Variants in APP observed in about 807,000 individuals in gnomAD.
APP encodes amyloid-beta precursor protein.
Under a neutral mutation model 101.4 loss-of-function variants are expected in APP, and 31 were observed. The ratio of observed to expected loss-of-function variants is 0.31; its 90% CI spans 0.23 to 0.41. The LOEUF (loss-of-function observed/expected upper bound fraction) is 0.41, where lower values mean the gene tolerates loss of function less well. Ranked by LOEUF, APP falls within the 10% of genes least tolerant of loss-of-function variation. The pLI is 1.00. For missense variants in APP, 839 were observed against 1,003.7 expected (o/e 0.84, Z 2.22); for synonymous variants, 366 against 364.4 (o/e 1.00, Z -0.05).
chr21:26,114,211 G>A (rs1222302002), intron 1 of APP, among the ~76,000 whole-genome samples: 4 of 152,236 alleles, frequency 2.6e-5, no homozygotes, highest in East Asian at 1.9e-4. Flanking sequence ...TAAGGAAAGC[G>A]TTCTACCTTC....
At chr21:26,004,463 T>TCA (rs1256049795) in intron 6 of APP, among the ~76,000 whole-genome samples, 13 of 150,064 alleles carry the variant, frequency 8.7e-5, no homozygotes, top group South Asian at 4.3e-4. Context: ...GCTAATTTTT[T>TCA]TCGATTTTTT....
intron 17 of APP, among the ~76,000 whole-genome samples, chr21:25,889,214 C>A (rs1446033003): frequency 6.6e-6 from 1 of 152,176 alleles, no homozygotes; most frequent in East Asian, 1.9e-4. Context: ...TAAACAAGGT[C>A]ATCAGGGTTG....
chr21:25,985,511 T>A (rs2042604634), intron 8 of APP, among the ~76,000 whole-genome samples: 1 of 152,306 alleles, frequency 6.6e-6, no homozygotes, highest in South Asian at 2.1e-4. Flanking sequence ...CTCTTCTCCC[T>A]GGACTGAAAT....
chr21:25,918,853 G>T (rs1437678544), intron 13 of APP, among the ~76,000 whole-genome samples: 22 of 149,358 alleles, frequency 1.5e-4, no homozygotes, highest in African/African-American at 4.4e-4. Context: ...AAGCAGCCGG[G>T]AAGCTCGAAC....
chr21:26,055,261 C>T (rs2145972766), intron 3 of APP, among the ~76,000 whole-genome samples: 1 of 152,260 alleles, frequency 6.6e-6, no homozygotes, highest in Non-Finnish European at 1.5e-5. Flanking sequence ...CCTCACTTCC[C>T]AGGGGAGGAA....
At chr21:25,908,369 T>C (rs528066671) in intron 14 of APP, among the ~76,000 whole-genome samples, 1 of 152,344 alleles carries the variant, frequency 6.6e-6, no homozygotes, top group African/African-American at 2.4e-5. Context: ...TGATTGTTCT[T>C]AAGAAAAACA....
At chr21:26,129,687 A>C (rs1277429666) in intron 1 of APP, among the ~76,000 whole-genome samples, 1 of 152,234 alleles carries the variant, frequency 6.6e-6, no homozygotes, top group Non-Finnish European at 1.5e-5. Flanking sequence ...TAAGTGAATA[A>C]GAACTAAGAA....
intron 1 of APP, among the ~76,000 whole-genome samples, chr21:26,153,456 T>C (rs909385687): frequency 1.6e-5 from 1 of 64,510 alleles, no homozygotes; most frequent in Non-Finnish European, 3.2e-5. Context: ...CCCCTGTACC[T>C]TGTTGTTGTT....
At chr21:25,980,961 G>A (rs1420135064) in intron 9 of APP, among the ~76,000 whole-genome samples, 3 of 152,300 alleles carry the variant, frequency 2.0e-5, no homozygotes, top group Non-Finnish European at 2.9e-5. Flanking sequence ...CAGGGTAGGC[G>A]GGTTTAGGAC....
chr21:26,042,796 G>A (rs2045433716), intron 5 of APP, among the ~76,000 whole-genome samples: 1 of 151,934 alleles, frequency 6.6e-6, no homozygotes, highest in African/African-American at 2.4e-5. Flanking sequence ...TGTGTTTGTA[G>A]TCTTAGCCAT....
intron 8 of APP, among the ~76,000 whole-genome samples, chr21:25,994,628 G>C (rs941111323): frequency 9.8e-5 from 15 of 152,286 alleles, no homozygotes; most frequent in Middle Eastern, 3.4e-3. Flanking sequence ...ACTAGAAGCA[G>C]CTTAGACTGA....
chr21:26,003,563 A>C (rs2043386410), intron 6 of APP, among the ~76,000 whole-genome samples: 1 of 152,220 alleles, frequency 6.6e-6, no homozygotes, highest in South Asian at 2.1e-4. Context: ...TGTTAATTTA[A>C]TGTCAAATAC....
chr21:26,138,682 T>G (rs372076005), intron 1 of APP, among the ~76,000 whole-genome samples: 1 of 150,426 alleles, frequency 6.6e-6, no homozygotes, highest in East Asian at 1.9e-4. Flanking sequence ...GACAGAGAGA[T>G]AGCCTGTCTC....
intron 17 of APP, among the ~76,000 whole-genome samples, chr21:25,882,727 C>T (rs1179705657): frequency 6.6e-6 from 1 of 152,046 alleles, no homozygotes; most frequent in African/African-American, 2.4e-5. Flanking sequence ...TTTTGTAAAA[C>T]CATGGTAAGA....
At chr21:26,073,739 T>C (rs570449134) in intron 3 of APP, among the ~76,000 whole-genome samples, 2 of 152,170 alleles carry the variant, frequency 1.3e-5, no homozygotes, top group East Asian at 3.9e-4. Context: ...TCAGATACAA[T>C]GAGAGTAAAG....
chr21:25,961,170 A>G (rs779226393), intron 11 of APP, among the ~76,000 whole-genome samples: 28 of 152,176 alleles, frequency 1.8e-4, no homozygotes, highest in Admixed American at 6.5e-5. Flanking sequence ...CATCTCACCT[A>G]TCTCTGACCT....
At chr21:26,055,454 G>C (rs1246054711) in intron 3 of APP, among the ~76,000 whole-genome samples, 1 of 152,082 alleles carries the variant, frequency 6.6e-6, no homozygotes, top group Non-Finnish European at 1.5e-5. Flanking sequence ...AACACAAGAA[G>C]ACCTGGAGAA....
At chr21:26,146,132 C>T (rs923505182) in intron 1 of APP, among the ~76,000 whole-genome samples, 11 of 152,192 alleles carry the variant, frequency 7.2e-5, no homozygotes, top group Non-Finnish European at 1.0e-4. Context: ...GTCAGGAATT[C>T]GAGACCAGCC....
intron 13 of APP, among the ~76,000 whole-genome samples, chr21:25,930,243 C>T (rs919158785): frequency 2.0e-5 from 3 of 152,156 alleles, no homozygotes; most frequent in Non-Finnish European, 2.9e-5. Context: ...TGACCAGCCC[C>T]GTCTCTCAAG....
Sources: allele counts gnomAD v4.1 joint callset (sites outside exome capture counted in the v4.1 genomes callset), GRCh38; gene constraint gnomAD v4.1.1; transcripts MANE v1.5; gene names NCBI Gene and HGNC (gene_info 2026-07-23, HGNC 2026-07-21).